The following REDIC1 variants were observed in gnomAD, a reference collection of about 807,000 sequenced individuals.
REDIC1 encodes the protein regulator of DNA class I crossover intermediates 1.
At chr12:39,658,877 G>A in the REDIC1 span, among the ~76,000 whole-genome samples, 10 of 151,790 alleles carry the variant, frequency 6.6e-5, no homozygotes, top group African/African-American at 1.2e-4. Flanking sequence ...TGTTATATTC[G>A]TACATTTATT....
At chr12:39,778,463 T>TTAAC in the REDIC1 span, among the ~76,000 whole-genome samples, 4,720 of 152,256 alleles carry the variant, frequency 0.031, 253 homozygotes, top group African/African-American at 0.11. Flanking sequence ...ACGAAGTTAG[T>TTAAC]TATTTCTTTG....
At chr12:39,643,580 G>T in the REDIC1 span, among the ~76,000 whole-genome samples, 1 of 151,584 alleles carries the variant, frequency 6.6e-6, no homozygotes, top group Middle Eastern at 3.2e-3. Context: ...TAAGGAAGAT[G>T]ATAAAAGGCT....
At chr12:39,637,100 CCCTT>C in the REDIC1 span, among the ~76,000 whole-genome samples, 1 of 151,774 alleles carries the variant, frequency 6.6e-6, no homozygotes, top group East Asian at 1.9e-4. Context: ...CCTTCTCCCT[CCCTT>C]CTCTCCTTTA....
the REDIC1 span, among the ~76,000 whole-genome samples, chr12:39,673,842 T>G: frequency 6.6e-6 from 1 of 152,242 alleles, no homozygotes; most frequent in Non-Finnish European, 1.5e-5. Flanking sequence ...TAGTGGTTCA[T>G]TGTCTTTTAT....
At chr12:39,835,028 G>C in the REDIC1 span, among the ~76,000 whole-genome samples, 1 of 152,040 alleles carries the variant, frequency 6.6e-6, no homozygotes. Context: ...AACGTGGCCT[G>C]ATGAATTTCG....
the REDIC1 span, chr12:39,647,921 T>TTCA: frequency 1.2e-6 from 2 of 1,607,088 alleles, no homozygotes; most frequent in African/African-American, 2.7e-5. Flanking sequence ...AAATTTCACA[T>TTCA]CTGGAATAGC....
the REDIC1 span, among the ~76,000 whole-genome samples, chr12:39,903,268 A>C: frequency 6.6e-6 from 1 of 152,168 alleles, no homozygotes; most frequent in Non-Finnish European, 1.5e-5. Flanking sequence ...AATGGGCACT[A>C]ATCTATGTAT....
At chr12:39,763,735 T>G in the REDIC1 span, among the ~76,000 whole-genome samples, 3 of 152,142 alleles carry the variant, frequency 2.0e-5, no homozygotes, top group African/African-American at 7.2e-5. Flanking sequence ...TACTTCATCA[T>G]GAATAATCCT....
chr12:39,734,338 G>A, the REDIC1 span, among the ~76,000 whole-genome samples: 1 of 152,118 alleles, frequency 6.6e-6, no homozygotes, highest in Non-Finnish European at 1.5e-5. Context: ...TTGCAGTCCG[G>A]AGCTGTTCCT....
the REDIC1 span, among the ~76,000 whole-genome samples, chr12:39,694,267 ACCTT>A: frequency 1.3e-5 from 2 of 152,162 alleles, no homozygotes; most frequent in African/African-American, 2.4e-5. Flanking sequence ...ACAAAAAAAC[ACCTT>A]CCTAAGAACT....
At chr12:39,744,636 A>C in the REDIC1 span, among the ~76,000 whole-genome samples, 1 of 152,184 alleles carries the variant, frequency 6.6e-6, no homozygotes. Context: ...GTACATTGCA[A>C]ACTCCAGGGC....
At chr12:39,655,982 T>C in the REDIC1 span, among the ~76,000 whole-genome samples, 2 of 152,154 alleles carry the variant, frequency 1.3e-5, no homozygotes, top group Admixed American at 1.3e-4. Context: ...ACATCAGGTT[T>C]TTTTTTTCTT....
At chr12:39,896,818 C>T in the REDIC1 span, among the ~76,000 whole-genome samples, 3 of 152,206 alleles carry the variant, frequency 2.0e-5, no homozygotes, top group African/African-American at 7.2e-5. Flanking sequence ...ACTAATCATT[C>T]TGTCAATAGT....
At chr12:39,754,531 T>C in the REDIC1 span, among the ~76,000 whole-genome samples, 1 of 152,130 alleles carries the variant, frequency 6.6e-6, no homozygotes, top group African/African-American at 2.4e-5. Flanking sequence ...CAACTAATTA[T>C]GGACACGTGT....
At chr12:39,806,627 C>A in the REDIC1 span, among the ~76,000 whole-genome samples, 1 of 152,114 alleles carries the variant, frequency 6.6e-6, no homozygotes, top group Admixed American at 6.6e-5. Context: ...CTTCTTCAAG[C>A]AAACTTCCTT....
chr12:39,637,168 G>T, the REDIC1 span, among the ~76,000 whole-genome samples: 1 of 150,960 alleles, frequency 6.6e-6, no homozygotes, highest in Non-Finnish European at 1.5e-5. Flanking sequence ...AAAGAATAAA[G>T]TAACAAATAT....
At chr12:39,771,233 T>C in the REDIC1 span, among the ~76,000 whole-genome samples, 1 of 152,146 alleles carries the variant, frequency 6.6e-6, no homozygotes, top group Admixed American at 6.6e-5. Context: ...ATGCCTTGTG[T>C]AGTTCCTTTT....
the REDIC1 span, among the ~76,000 whole-genome samples, chr12:39,654,394 T>C: frequency 4.6e-5 from 7 of 152,126 alleles, no homozygotes; most frequent in African/African-American, 1.4e-4. Flanking sequence ...GAGATCATCC[T>C]GACTAACACA....
the REDIC1 span, among the ~76,000 whole-genome samples, chr12:39,713,005 A>G: frequency 2.9e-5 from 4 of 139,576 alleles, no homozygotes; most frequent in Non-Finnish European, 4.6e-5. Flanking sequence ...GTGTATATGT[A>G]TATATACATG....
Sources: allele counts gnomAD v4.1 joint callset (sites outside exome capture counted in the v4.1 genomes callset), GRCh38; gene constraint gnomAD v4.1.1; transcripts MANE v1.5; gene names NCBI Gene and HGNC (gene_info 2026-07-23, HGNC 2026-07-21).